Variants in CDON observed in about 807,000 individuals in gnomAD.
CDON encodes the protein cell adhesion associated, oncogene regulated.
In CDON, 73 loss-of-function variants were observed where a neutral mutation model predicts 120.9. The ratio of observed to expected loss-of-function variants is 0.60; its 90% confidence interval spans 0.50 to 0.73. CDON has a LOEUF of 0.73. CDON is among the 30% of genes least tolerant of loss of function. The pLI is 0.00. For synonymous variants in CDON, 566 were observed against 573.5 expected (o/e 0.99, Z 0.19); for missense variants, 1,470 against 1,587.3 (o/e 0.93, Z 1.26).
chr11:126,019,861 G>A (rs953867262), intron 3 of CDON, 96 bp from the exon 4 acceptor site: 35 of 1,072,044 alleles, frequency 3.3e-5, no homozygotes, highest in East Asian at 1.3e-4. Flanking sequence ...TCTGCAGCAC[G>A]GCCTTTTGTG....
intron 18 of CDON, among the ~76,000 whole-genome samples, chr11:125,971,135 G>A (rs984690852): frequency 5.3e-5 from 8 of 152,162 alleles, no homozygotes; most frequent in African/African-American, 1.7e-4. Flanking sequence ...TGTAATCCCA[G>A]TACTTTGGGG....
At chr11:126,028,129 T>C (rs1297801611) in intron 1 of CDON, among the ~76,000 whole-genome samples, 1 of 152,148 alleles carries the variant, frequency 6.6e-6, no homozygotes, top group Non-Finnish European at 1.5e-5. Context: ...TAAATTTCTA[T>C]GAATACTCAT....
intron 8 of CDON, among the ~76,000 whole-genome samples, chr11:126,007,537 G>A (rs570451560): frequency 6.6e-6 from 1 of 152,292 alleles, no homozygotes; most frequent in African/African-American, 2.4e-5. Context: ...TGTGGCTTGA[G>A]GTAGTGGAGA....
intron 1 of CDON, among the ~76,000 whole-genome samples, chr11:126,048,987 G>C: frequency 9.9e-6 from 1 of 101,350 alleles, no homozygotes; most frequent in East Asian, 2.0e-4. Flanking sequence ...ACAGGCGTGA[G>C]CCAACAGGCG....
At chr11:126,011,910 T>C (rs1947314547) in intron 7 of CDON, among the ~76,000 whole-genome samples, 1 of 152,220 alleles carries the variant, frequency 6.6e-6, no homozygotes, top group Admixed American at 6.5e-5. Flanking sequence ...TTTACCTCCA[T>C]GCTGATAACA....
chr11:126,015,301 A>T lies in CDON; in HGVS notation c.1138T>A (p.Cys380Ser). 2 of 1,614,056 alleles carry T rather than the reference A, an allele frequency of 1.2e-6. No individual in the cohort carries two copies. Among genetic ancestry groups the T allele is most frequent in the Non-Finnish European group, 1.7e-6 (2 of 1,179,926 alleles). Residue 380 changes from cysteine to serine, a missense_variant, in exon 7 of 20, where the codon TGT becomes AGT. By Grantham distance (112) the Cys-to-Ser change is moderately radical. Transcript: ENST00000531738. ...AATCCAATCCCATTATCTGCTACAC[A>T]CTGATACATCCCAACATCTTCCACA... ...VTVEDVGMYQ[C>S]VADNGIGFMH...
intron 1 of CDON, among the ~76,000 whole-genome samples, chr11:126,026,155 T>C (rs972518496): frequency 6.6e-6 from 1 of 152,254 alleles, no homozygotes; most frequent in South Asian, 2.1e-4. Flanking sequence ...TAAGGACTAG[T>C]GTTTAGTGAG....
chr11:125,961,901 G>A lies in CDON; in HGVS notation c.3454C>T (p.Leu1152Phe), dbSNP rs1291103020. The A allele has an allele frequency of 6.2e-7, 1 of 1,614,222 alleles. No homozygotes were observed. Among genetic ancestry groups the A allele is most frequent in the Non-Finnish European group, 8.5e-7 (1 of 1,180,028 alleles). ...YPQDGLEMKP[L>F]SHVKVPVCLT... ...CATACAGGCACCTTCACGTGACTGA[G>A]GGGCTTCATTTCCAAACCATCCTGA... Residue 1152 changes from leucine (L) to phenylalanine (F), a missense_variant, in exon 19 of 20, where the codon CTC (leucine) becomes TTC (phenylalanine). Physicochemically the swap from Leu to Phe is conservative, Grantham distance 22. Transcript: ENST00000531738.
At chr11:125,998,968 A>G (rs1397204968) in intron 11 of CDON, among the ~76,000 whole-genome samples, 1 of 152,184 alleles carries the variant, frequency 6.6e-6, no homozygotes, top group Non-Finnish European at 1.5e-5. Context: ...TTCCACCTCA[A>G]CATGTCTTCA....
At chr11:126,027,235 G>A (rs1947814130) in intron 1 of CDON, among the ~76,000 whole-genome samples, 2 of 152,184 alleles carry the variant, frequency 1.3e-5, no homozygotes, top group African/African-American at 4.8e-5. Context: ...GTTGGATTCT[G>A]CTGTTTTATG....
chr11:126,011,060 A>G (rs1311053795), intron 7 of CDON: 1 of 344,578 alleles, frequency 2.9e-6, no homozygotes, highest in African/African-American at 2.1e-5. Flanking sequence ...AATAAGTATA[A>G]AAGTAGATAA....
At chr11:125,986,396 G>A (rs1471168610) in intron 15 of CDON, among the ~76,000 whole-genome samples, 1 of 152,066 alleles carries the variant, frequency 6.6e-6, no homozygotes, top group Non-Finnish European at 1.5e-5. Flanking sequence ...AAACCTGCAC[G>A]TTGTGCACAT....
intron 1 of CDON, among the ~76,000 whole-genome samples, chr11:126,024,969 C>G (rs1422012204): frequency 6.6e-6 from 1 of 152,118 alleles, no homozygotes; most frequent in Non-Finnish European, 1.5e-5. Flanking sequence ...CTTTGGGAAG[C>G]TGAGGAAGGC....
At chr11:125,995,433 C>T (rs767286222) in intron 12 of CDON, among the ~76,000 whole-genome samples, 7 of 152,130 alleles carry the variant, frequency 4.6e-5, no homozygotes, top group Non-Finnish European at 1.0e-4. Context: ...TATCTGTCCC[C>T]AAAACTAGGT....
At chr11:126,060,310 G>C (rs1948765126) in intron 1 of CDON, among the ~76,000 whole-genome samples, 1 of 151,982 alleles carries the variant, frequency 6.6e-6, no homozygotes, top group East Asian at 1.9e-4. Context: ...ACTTAAAGGG[G>C]GGCTACCATG....
chr11:126,012,371 TTC>T (rs937303093), intron 7 of CDON, among the ~76,000 whole-genome samples: 9 of 152,220 alleles, frequency 5.9e-5, no homozygotes, highest in Middle Eastern at 3.4e-3. Flanking sequence ...AAATTATACT[TTC>T]TGTTTGTTGC....
chr11:125,963,869 T>C (rs1246971611), intron 18 of CDON, among the ~76,000 whole-genome samples: 2 of 152,300 alleles, frequency 1.3e-5, no homozygotes, highest in Non-Finnish European at 1.5e-5. Flanking sequence ...AGTGAATAAA[T>C]AGTGAAGAAA....
At chr11:126,023,119 A>G (rs1224462534) in intron 2 of CDON, among the ~76,000 whole-genome samples, 1 of 150,722 alleles carries the variant, frequency 6.6e-6, no homozygotes, top group African/African-American at 2.5e-5. Flanking sequence ...ATATCCCCTT[A>G]TTTAAAAAAA....
At chr11:126,006,192 C>T (rs975144021) in intron 8 of CDON, 135 bp from the exon 9 acceptor site, 4 of 743,902 alleles carry the variant, frequency 5.4e-6, no homozygotes, top group Non-Finnish European at 9.4e-6. Context: ...GGTAACACTG[C>T]CATTTATAAT....
Sources: gnomAD v4.1 joint callset for allele counts (sites outside exome capture counted in the v4.1 genomes callset) on GRCh38, gnomAD v4.1.1 for gene constraint, MANE v1.5 for transcripts, NCBI Gene and HGNC (gene_info 2026-07-23, HGNC 2026-07-21) for gene names.